Variants in EPHA6 observed in about 807,000 individuals in gnomAD.
EPHA6 encodes the protein EPH receptor A6, also known as ephrin type-A receptor 6.
A neutral mutation model predicts 112.0 loss-of-function variants in EPHA6; 50 were observed. That is an observed-to-expected ratio of 0.45 (90% CI 0.36 to 0.56). EPHA6 has a LOEUF of 0.56. EPHA6 is among the 20% of genes least tolerant of loss of function. The pLI, the probability that EPHA6 is intolerant of heterozygous loss-of-function variation, is 0.00. For missense variants in EPHA6, 1,280 were observed against 1,417.4 expected (o/e 0.90, Z 1.56); for synonymous variants, 529 against 490.7 (o/e 1.08, Z -1.03).
At chr3:97,519,497 G>A (rs6800136) in intron 10 of EPHA6, among the ~76,000 whole-genome samples, 41,622 of 152,052 alleles carry the variant, frequency 0.27, 8,771 homozygotes, top group African/African-American at 0.58. Context: ...TAATTGTAAA[G>A]CTGTTTTTTC....
chr3:97,030,908 C>T (rs1156752822), intron 3 of EPHA6, among the ~76,000 whole-genome samples: 1 of 151,766 alleles, frequency 6.6e-6, no homozygotes, highest in Non-Finnish European at 1.5e-5. Context: ...AGGAAAAATG[C>T]ATGTGTGTTA....
intron 5 of EPHA6, among the ~76,000 whole-genome samples, chr3:97,317,959 G>T (rs2081926462): frequency 6.6e-6 from 1 of 151,950 alleles, no homozygotes; most frequent in African/African-American, 2.4e-5. Flanking sequence ...GACTTAAATT[G>T]AGCATTTTCA....
intron 11 of EPHA6, among the ~76,000 whole-genome samples, chr3:97,541,434 G>T: frequency 6.6e-6 from 1 of 152,082 alleles, no homozygotes; most frequent in East Asian, 1.9e-4. Context: ...TGGTGCAAAA[G>T]TCATCATGAC....
At chr3:97,132,360 C>T (rs1014369185) in intron 3 of EPHA6, among the ~76,000 whole-genome samples, 4 of 151,984 alleles carry the variant, frequency 2.6e-5, no homozygotes, top group Non-Finnish European at 5.9e-5. Context: ...AAGTTCTTTT[C>T]ATATTTGAAT....
At position 97,358,785 on chromosome 3, in the gene EPHA6, T is replaced by C. The variant is rs536080046; in HGVS notation, c.1607-46365T>C. Among the ~76,000 whole-genome samples the C allele has an allele frequency of 1.1e-3, 167 of 152,244 alleles. 2 individuals carry two copies. Among genetic ancestry groups the C allele is most frequent in the Non-Finnish European group, 2.2e-3 (148 of 68,008 alleles). On this transcript the variant is annotated intron_variant, in intron 5 of 17. Coordinates refer to ENST00000389672, the MANE Select transcript of EPHA6 (RefSeq NM_001080448.3). ...ACTCAGGTTTGTTTATCTGGGAATATTTAATTTCTCCCTTACTTTTGAAGG... is the reference window on the plus strand; with the variant it reads ...ACTCAGGTTTGTTTATCTGGGAATACTTAATTTCTCCCTTACTTTTGAAGG...
In EPHA6 at chr3:97,504,213, T is replaced by C. The variant is rs150541391; in HGVS notation, c.2200+20154T>C. On this transcript the variant is annotated intron_variant, in intron 10 of 17. Coordinates refer to ENST00000389672, the MANE Select transcript of EPHA6 (RefSeq NM_001080448.3). ...TGCACCACAATGTAGCAGTCTCTCA[T>C]TGTGAAGTGTCAGGCTGGAGTTCTT... 2.0e-3 allele frequency among the ~76,000 whole-genome samples: 299 copies of C among 152,266 alleles called. 1 individual carries two copies. The highest frequency in any genetic ancestry group is 6.6e-3 in the African/African-American group (275 of 41,554).
intron 3 of EPHA6, among the ~76,000 whole-genome samples, chr3:97,192,438 T>A (rs1469494029): frequency 6.6e-6 from 1 of 152,172 alleles, no homozygotes; most frequent in Non-Finnish European, 1.5e-5. Flanking sequence ...TTGAGAAACA[T>A]CTACTTAGAT....
chr3:97,481,700 C>G (rs1011431320), intron 9 of EPHA6, among the ~76,000 whole-genome samples: 1 of 152,114 alleles, frequency 6.6e-6, no homozygotes, highest in African/African-American at 2.4e-5. Context: ...GCCCCGGCCC[C>G]GCCCCCTGTG....
At chr3:97,453,791 G>A (rs952870774) in intron 7 of EPHA6, among the ~76,000 whole-genome samples, 3 of 151,594 alleles carry the variant, frequency 2.0e-5, no homozygotes, top group Admixed American at 6.6e-5. Context: ...ACCATTTATA[G>A]GTAGGAAATT....
intron 3 of EPHA6, among the ~76,000 whole-genome samples, chr3:97,101,487 G>A (rs143147013): frequency 6.6e-6 from 1 of 151,898 alleles, no homozygotes; most frequent in Non-Finnish European, 1.5e-5. Flanking sequence ...GTGTCATGTT[G>A]TTCATGTGGG....
intron 2 of EPHA6, among the ~76,000 whole-genome samples, chr3:96,941,562 A>G (rs1010885615): frequency 1.3e-5 from 2 of 152,024 alleles, no homozygotes; most frequent in Non-Finnish European, 2.9e-5. Flanking sequence ...TGTAGCTCGG[A>G]GTAGTTTGAT....
At chr3:97,298,034 T>C (rs1222982237) in intron 5 of EPHA6, among the ~76,000 whole-genome samples, 4 of 152,182 alleles carry the variant, frequency 2.6e-5, no homozygotes, top group African/African-American at 9.7e-5. Flanking sequence ...AGTGCTGGGA[T>C]TACAGGCATG....
At chr3:97,676,856 C>A (rs913727711) in intron 14 of EPHA6, among the ~76,000 whole-genome samples, 4 of 152,008 alleles carry the variant, frequency 2.6e-5, no homozygotes, top group Non-Finnish European at 2.9e-5. Context: ...ATGTAATCAG[C>A]TAAAATCGAG....
At chr3:97,692,837 C>T (rs926125875) in intron 14 of EPHA6, among the ~76,000 whole-genome samples, 5 of 152,154 alleles carry the variant, frequency 3.3e-5, no homozygotes, top group African/African-American at 4.8e-5. Flanking sequence ...CAAAGTCACA[C>T]ATTAAATAAC....
chr3:97,251,867 T>C (rs1241637086), intron 5 of EPHA6, among the ~76,000 whole-genome samples: 1 of 152,188 alleles, frequency 6.6e-6, no homozygotes. Context: ...ACAGTGCTCT[T>C]TCTTTCAGTG....
chr3:97,583,860 T>A (rs2093464248), intron 11 of EPHA6, among the ~76,000 whole-genome samples: 1 of 152,170 alleles, frequency 6.6e-6, no homozygotes, highest in South Asian at 2.1e-4. Flanking sequence ...AACAGCTAGG[T>A]AGGAATCTGC....
At chr3:97,440,441 A>T (rs1460889247) in intron 6 of EPHA6, among the ~76,000 whole-genome samples, 4 of 151,914 alleles carry the variant, frequency 2.6e-5, no homozygotes, top group African/African-American at 9.7e-5. Context: ...TTATTTTTAA[A>T]CACTTAAAAG....
intron 3 of EPHA6, among the ~76,000 whole-genome samples, chr3:97,190,748 G>A (rs1476443920): frequency 2.6e-5 from 4 of 151,856 alleles, no homozygotes; most frequent in African/African-American, 9.7e-5. Flanking sequence ...GGATAGCATT[G>A]GGAGATATAC....
chr3:97,405,169 G>A lies in EPHA6; in HGVS notation c.1626G>A (p.Val542=), dbSNP rs777818056. ...TDQDAPSLIG[V]VRKDWASQNS... ...TTTCAGCACCTTCCCTGATAGGTGT[G>A]GTAAGGAAGGACTGGGCATCCCAAA... is the stretch of plus-strand genomic sequence containing the variant. The change falls in exon 6 of 18, where the codon GTG becomes GTA. Residue 542 remains valine, a synonymous_variant. Coordinates refer to ENST00000389672, the MANE Select transcript of EPHA6 (RefSeq NM_001080448.3). The A allele has an allele frequency of 1.1e-5, 18 of 1,600,526 alleles. No individual in the cohort carries two copies. The highest frequency in any genetic ancestry group is 9.0e-5 in the South Asian group (8 of 89,042).
Sources: allele counts gnomAD v4.1 joint callset (sites outside exome capture counted in the v4.1 genomes callset), GRCh38; gene constraint gnomAD v4.1.1; transcripts MANE v1.5; gene names NCBI Gene and HGNC (gene_info 2026-07-23, HGNC 2026-07-21).